DNAH10: variants seen among roughly 807,000 people sequenced by gnomAD.
The protein encoded by DNAH10 is axonemal beta dynein heavy chain 10.
In DNAH10, 348 loss-of-function variants were observed where a neutral mutation model predicts 506.6. The ratio of observed to expected loss-of-function variants is 0.69; its 90% CI spans 0.63 to 0.75. DNAH10 has a LOEUF of 0.75. Ranked by LOEUF, DNAH10 falls within the 30% of genes least tolerant of loss-of-function variation. The pLI is 0.00. For missense variants in DNAH10, 5,179 were observed against 5,787.1 expected, an observed-to-expected ratio of 0.89 and a Z score of 3.41; for synonymous variants, 2,059 against 2,198.6, an observed-to-expected ratio of 0.94 and a Z score of 1.78.
chr12:123,884,065 G>A (rs990813716), intron 51 of DNAH10, among the ~76,000 whole-genome samples: 5 of 151,928 alleles, frequency 3.3e-5, no homozygotes, highest in Admixed American at 1.3e-4. Flanking sequence ...ATGGAGTTTC[G>A]CTCTGTTGCC....
rs373572485 is a variant in DNAH10 at position 123,864,685 on chromosome 12, C to T, written c.6999C>T (p.Asn2333=). The T allele has an allele frequency of 1.8e-4, 283 of 1,613,744 alleles. No individual in the cohort carries two copies. Among genetic ancestry groups the T allele is most frequent in the Non-Finnish European group, 2.0e-4 (236 of 1,179,856 alleles). ...ACAACAGGTTGTTGACATTGGCCAA[C>T]GGGGAACGCATCCGGCTCCAAGCAC... The part of the protein sequence containing the change: ...MDDNRLLTLA[N]GERIRLQAHC... Residue 2333 remains asparagine (N), a synonymous_variant, in exon 40 of 79, where the codon AAC becomes AAT. Transcript: ENST00000673944.
Position 123,846,199 on chromosome 12 carries a change from G to A in DNAH10, c.5814+45G>A, listed in dbSNP as rs373164625. The stretch of plus-strand genomic sequence containing the variant: ...TTGTGGTTACCACTTACCTTGGGGC[G>A]GGGCATTTTCTCTAAGCTTGAGGTG... On this transcript the variant is annotated intron_variant, in intron 32 of 78. Transcript: ENST00000673944. The surrounding 1 kb of genome is among the most constrained non-coding windows in gnomAD (Gnocchi z 4.5). 24 of 1,575,672 alleles carry A rather than the reference G, an allele frequency of 1.5e-5. No individual in the cohort carries two copies. The African/African-American group carries it at 2.2e-4, about 14-fold the overall frequency.
intron 35 of DNAH10, 87 bp downstream of exon 35, chr12:123,851,163 C>A: frequency 7.2e-7 from 1 of 1,396,826 alleles, no homozygotes; most frequent in Non-Finnish European, 9.5e-7. Flanking sequence ...GCGTTAGCTC[C>A]GTGTGGCTCT....
In DNAH10 at chr12:123,931,724, G is replaced by C; in HGVS notation, c.13005G>C (p.Leu4335Phe). Residue 4335 changes from leucine to phenylalanine, a missense_variant, in exon 75 of 79, where the codon TTG (leucine) becomes TTC (phenylalanine). Transcript: ENST00000673944. ...ACAAGATGCCCAAAGTCTTTGACTT[G>C]GACCAGGTGAGGAAGCGCCTCGGAA... is the stretch of plus-strand genomic sequence containing the variant. The part of the protein sequence containing the change: ...IENKMPKVFD[L>F]DQVRKRLGTG... 1 of 1,614,054 alleles carries C rather than the reference G, an allele frequency of 6.2e-7. No homozygotes were observed. The highest frequency in any genetic ancestry group is 8.5e-7 in the Non-Finnish European group (1 of 1,179,914).
intron 77 of DNAH10, 46 bp downstream of exon 77, chr12:123,933,557 C>A (rs1308937285): frequency 7.8e-6 from 12 of 1,534,166 alleles, no homozygotes; most frequent in East Asian, 2.4e-5. Context: ...CTTAGGATTT[C>A]TCTCCCTGAA....
At chr12:123,791,289 A>G (rs1353399778) in intron 11 of DNAH10, among the ~76,000 whole-genome samples, 2 of 152,212 alleles carry the variant, frequency 1.3e-5, no homozygotes, top group African/African-American at 2.4e-5. Flanking sequence ...GGCAGAGTCC[A>G]TCAGAGAGAG....
At position 123,789,977 on chromosome 12, in the gene DNAH10, G is replaced by GT; in HGVS notation, c.1671_1672insT (p.Gly558TrpfsTer7). The GT allele has an allele frequency of 6.2e-7, 1 of 1,614,000 alleles. No homozygotes were observed. Among genetic ancestry groups the GT allele is most frequent in the Non-Finnish European group, 8.5e-7 (1 of 1,179,964 alleles). On this transcript the variant is annotated frameshift_variant, in exon 11 of 79. Coordinates refer to ENST00000673944, the MANE Select transcript of DNAH10 (RefSeq NM_001372106.1). LOFTEE classifies it high-confidence loss of function. Reference sequence around the variant, plus strand: ...TTGGTCCAGAACTAAAGGCAGTGACGGGGGACCCCAAGCGCATTGATGATG... The same window carrying GT: ...TTGGTCCAGAACTAAAGGCAGTGACGTGGGGACCCCAAGCGCATTGATGATG...
At chr12:123,812,208 T>C (rs1958964324) in intron 19 of DNAH10, among the ~76,000 whole-genome samples, 2 of 152,012 alleles carry the variant, frequency 1.3e-5, no homozygotes, top group Admixed American at 6.5e-5. Flanking sequence ...TCCCAGTACT[T>C]TGGGAGGCCG....
intron 28 of DNAH10, among the ~76,000 whole-genome samples, chr12:123,836,803 G>A (rs1033856281): frequency 5.9e-5 from 9 of 151,856 alleles, no homozygotes; most frequent in Non-Finnish European, 1.2e-4. Flanking sequence ...GCGATCACTT[G>A]AAGTCAGGAT....
At chr12:123,922,268 G>A (rs949402721) in intron 65 of DNAH10, among the ~76,000 whole-genome samples, 1 of 136,246 alleles carries the variant, frequency 7.3e-6, no homozygotes, top group South Asian at 2.1e-4. Context: ...AGCTACTGGG[G>A]GGGAGGCTGA....
At chr12:123,784,569 A>G (rs1400237810) in intron 8 of DNAH10, among the ~76,000 whole-genome samples, 1 of 152,182 alleles carries the variant, frequency 6.6e-6, no homozygotes, top group East Asian at 1.9e-4. Context: ...AGAATTTAAA[A>G]AATTGTGATA....
chr12:123,859,500 T>A (rs1401608634), intron 38 of DNAH10, among the ~76,000 whole-genome samples: 1 of 152,228 alleles, frequency 6.6e-6, no homozygotes, highest in East Asian at 1.9e-4. Context: ...AATAGGTTCA[T>A]TTGTGAAATG....
At chr12:123,823,684 C>T (rs116621164) in intron 24 of DNAH10, among the ~76,000 whole-genome samples, 2,120 of 152,276 alleles carry the variant, frequency 0.014, 43 homozygotes, top group African/African-American at 0.047. Context: ...CACGGGCATG[C>T]AATGTGTAAT....
intron 10 of DNAH10, 93 bp from the exon 11 acceptor site, chr12:123,789,834 C>A: frequency 8.4e-7 from 1 of 1,191,922 alleles, no homozygotes; most frequent in Non-Finnish European, 1.2e-6. Flanking sequence ...ATTCTTGCCC[C>A]CAGGTCAGTC....
chr12:123,864,840 G>T, intron 40 of DNAH10, 110 bp downstream of exon 40: 1 of 1,311,470 alleles, frequency 7.6e-7, no homozygotes, highest in Non-Finnish European at 1.0e-6. Context: ...AACAAACAAT[G>T]CATAAGGGTT....
intron 24 of DNAH10, among the ~76,000 whole-genome samples, chr12:123,823,888 T>A (rs1959693401): frequency 6.6e-6 from 1 of 152,216 alleles, no homozygotes; most frequent in African/African-American, 2.4e-5. Flanking sequence ...TAAGCATTTT[T>A]AAAAATCCAA....
At chr12:123,799,906 T>C (rs193207780) in intron 14 of DNAH10, among the ~76,000 whole-genome samples, 2 of 152,204 alleles carry the variant, frequency 1.3e-5, no homozygotes, top group African/African-American at 4.8e-5. Flanking sequence ...GTGGGACCCC[T>C]AGGGAACAGG....
chr12:123,810,097 A>C (rs758080161), intron 19 of DNAH10, among the ~76,000 whole-genome samples: 1 of 152,074 alleles, frequency 6.6e-6, no homozygotes. Flanking sequence ...ACAGACCTTG[A>C]GTGTTTTGTT....
In DNAH10 at chr12:123,877,809, T is replaced by G; in HGVS notation, c.8273T>G (p.Val2758Gly). The part of the protein sequence containing the change: ...FCTLALYKNI[V>G]QDLPPTPSKF... Reference sequence around the variant, plus strand: ...ACGCTAGCACTTTACAAAAATATTGTGCAAGACCTACCTCCCACTCCGTCA... The same window carrying G: ...ACGCTAGCACTTTACAAAAATATTGGGCAAGACCTACCTCCCACTCCGTCA... The change falls in exon 48 of 79, where the codon GTG becomes GGG. Residue 2758 changes from valine (V) to glycine (G), a missense_variant. Val to Gly is a moderately radical substitution (Grantham distance 109, BLOSUM62 -3). Coordinates refer to ENST00000673944, the MANE Select transcript of DNAH10 (RefSeq NM_001372106.1). 1 of 1,614,032 alleles carries G rather than the reference T, an allele frequency of 6.2e-7. No homozygotes were observed. The highest frequency in any genetic ancestry group is 1.6e-4 in the Middle Eastern group (1 of 6,062).
Sources: allele counts gnomAD v4.1 joint callset (sites outside exome capture counted in the v4.1 genomes callset), GRCh38; gene constraint gnomAD v4.1.1; non-coding constraint Gnocchi (gnomAD v3.1); transcripts MANE v1.5; gene names NCBI Gene and HGNC (gene_info 2026-07-23, HGNC 2026-07-21).